SPSB4: variants seen among roughly 807,000 people sequenced by gnomAD.
The protein encoded by SPSB4 is splA/ryanodine receptor domain and SOCS box containing 4, also known as SPRY domain-containing SOCS box protein 4.
A neutral mutation model predicts 20.9 loss-of-function variants in SPSB4; 21 were observed. The ratio of observed to expected loss-of-function variants is 1.01; its 90% confidence interval spans 0.71 to 1.45. The LOEUF is 1.45. SPSB4 is among the 40% of genes most tolerant of loss of function. The probability of loss-of-function intolerance (pLI) is 0.00; values close to 1 mark genes in which losing one functional copy is unlikely to be tolerated. For missense variants in SPSB4, 399 were observed against 399.2 expected (o/e 1.00, Z 0.00); for synonymous variants, 207 against 183.8 (o/e 1.13, Z -1.02).
chr3:141,076,486 G>T (rs1219276282), intron 2 of SPSB4, among the ~76,000 whole-genome samples: 1 of 152,226 alleles, frequency 6.6e-6, no homozygotes, highest in Non-Finnish European at 1.5e-5. Context: ...GTCATTGATT[G>T]AGCACTCACA....
At chr3:141,134,385 G>A (rs947215893) in intron 2 of SPSB4, among the ~76,000 whole-genome samples, 5 of 152,048 alleles carry the variant, frequency 3.3e-5, no homozygotes, top group Non-Finnish European at 7.4e-5. Context: ...GGGCATCCTT[G>A]TCTCGTTCTA....
chr3:141,118,221 G>T (rs917587179), intron 2 of SPSB4, among the ~76,000 whole-genome samples: 5 of 152,198 alleles, frequency 3.3e-5, no homozygotes, highest in African/African-American at 4.8e-5. Flanking sequence ...TTGTGGTTTT[G>T]ATTTGCATTT....
chr3:141,146,706 G>A (rs940609640), intron 2 of SPSB4, among the ~76,000 whole-genome samples: 7 of 151,516 alleles, frequency 4.6e-5, no homozygotes, highest in African/African-American at 9.7e-5. Context: ...CCCAGGAGGC[G>A]GAGCTTGCAG....
intron 2 of SPSB4, among the ~76,000 whole-genome samples, chr3:141,117,719 G>A (rs1399422378): frequency 1.3e-5 from 2 of 152,162 alleles, no homozygotes; most frequent in African/African-American, 2.4e-5. Context: ...TGTTCTCATT[G>A]TTCAACTCCC....
At chr3:141,129,757 T>C (rs1939105725) in intron 2 of SPSB4, among the ~76,000 whole-genome samples, 2 of 152,244 alleles carry the variant, frequency 1.3e-5, no homozygotes, top group African/African-American at 4.8e-5. Context: ...CACTCCCTGT[T>C]CTGGGTTGTC....
chr3:141,092,400 C>CT (rs1232939690), intron 2 of SPSB4, among the ~76,000 whole-genome samples: 1 of 152,244 alleles, frequency 6.6e-6, no homozygotes, highest in Non-Finnish European at 1.5e-5. Context: ...CCTTCACTAA[C>CT]CATATCTACC....
rs375889447 is a variant in SPSB4, at chr3:141,101,672, C to T, written c.694+34874C>T. On this transcript the variant is annotated intron_variant, in intron 2 of 2. Coordinates refer to ENST00000310546, the MANE Select transcript of SPSB4 (RefSeq NM_080862.3). ...CAGTGGTGATCACCATCAGATGGCTCTTATTATTACCTGTGTAATATTCCC... is the reference window on the plus strand; with the variant it reads ...CAGTGGTGATCACCATCAGATGGCTTTTATTATTACCTGTGTAATATTCCC... Among the ~76,000 whole-genome samples, 14 of 152,212 alleles carry T rather than the reference C, an allele frequency of 9.2e-5. No homozygotes were observed. The East Asian group carries it at 1.2e-3, about 13-fold the overall frequency.
chr3:141,068,571 G>A (rs1475034893), intron 2 of SPSB4, among the ~76,000 whole-genome samples: 2 of 152,220 alleles, frequency 1.3e-5, no homozygotes, highest in Admixed American at 6.5e-5. Context: ...GTGGTTTTGT[G>A]TCTTTGGTGA....
intron 2 of SPSB4, among the ~76,000 whole-genome samples, chr3:141,090,318 A>G (rs1220231264): frequency 6.6e-6 from 1 of 152,230 alleles, no homozygotes; most frequent in Non-Finnish European, 1.5e-5. Flanking sequence ...GTCCTCATGA[A>G]GCTTATATTT....
At chr3:141,097,042 C>T (rs961329496) in intron 2 of SPSB4, among the ~76,000 whole-genome samples, 1 of 152,198 alleles carries the variant, frequency 6.6e-6, no homozygotes, top group African/African-American at 2.4e-5. Flanking sequence ...AAATTCATCA[C>T]CCTGAAATAC....
rs571063042 is a variant in SPSB4, at chr3:141,096,606, C to G, written c.694+29808C>G. 2.5e-3 allele frequency among the ~76,000 whole-genome samples: 377 copies of G among 152,298 alleles called. 1 individual carries two copies. The highest frequency in any genetic ancestry group is 8.8e-3 in the African/African-American group (366 of 41,558). ...CCATTTGGGTTTCTAATTCCATACTCTTTGTGCTGTCTCTCTTTTTCCAGC... is the reference window on the plus strand; with the variant it reads ...CCATTTGGGTTTCTAATTCCATACTGTTTGTGCTGTCTCTCTTTTTCCAGC... On this transcript the variant is annotated intron_variant, in intron 2 of 2. Transcript: ENST00000310546.
chr3:141,096,182 A>G (rs1263781157), intron 2 of SPSB4, among the ~76,000 whole-genome samples: 1 of 152,022 alleles, frequency 6.6e-6, no homozygotes, highest in Admixed American at 6.6e-5. Context: ...GTAGAAGAGG[A>G]GCCAAACCTA....
At chr3:141,095,291 C>T (rs1243634669) in intron 2 of SPSB4, among the ~76,000 whole-genome samples, 8 of 152,092 alleles carry the variant, frequency 5.3e-5, no homozygotes, top group Non-Finnish European at 1.0e-4. Context: ...TACTGCGAGG[C>T]GGAAAATTTG....
At chr3:141,126,819 T>C (rs1201397089) in intron 2 of SPSB4, among the ~76,000 whole-genome samples, 4 of 152,168 alleles carry the variant, frequency 2.6e-5, no homozygotes, top group Non-Finnish European at 5.9e-5. Context: ...CATGGATAGA[T>C]TAGTAGTGGA....
At chr3:141,074,325 ACGTAG>A (rs1190031125) in intron 2 of SPSB4, among the ~76,000 whole-genome samples, 4 of 152,352 alleles carry the variant, frequency 2.6e-5, no homozygotes, top group East Asian at 3.9e-4. Context: ...AGTGCCTAGA[ACGTAG>A]CTACTGAAAA....
chr3:141,126,607 G>A (rs1196647400), intron 2 of SPSB4, among the ~76,000 whole-genome samples: 3 of 152,172 alleles, frequency 2.0e-5, no homozygotes, highest in Admixed American at 6.5e-5. Context: ...CACAGACCCA[G>A]GGAGACCAAA....
At position 141,147,376 on chromosome 3, in the gene SPSB4, G is replaced by C; in HGVS notation, c.*107G>C. ...GGGGAAAGGATCTACCCTTCTCCTG[G>C]CTCCCCAGGACACTCAGTTCTTTCA... is the stretch of plus-strand genomic sequence containing the variant. On this transcript the variant is annotated 3_prime_UTR_variant, in exon 3 of 3. Transcript: ENST00000310546. 2 of 1,533,174 alleles carry C rather than the reference G, an allele frequency of 1.3e-6. No individual in the cohort carries two copies. The highest frequency in any genetic ancestry group is 1.4e-5 in the African/African-American group (1 of 73,454). 95.0% of individuals were successfully genotyped at this position (1,533,174 alleles called of 1,614,324 possible).
At chr3:141,143,146 T>A (rs1939364653) in intron 2 of SPSB4, among the ~76,000 whole-genome samples, 1 of 151,542 alleles carries the variant, frequency 6.6e-6, no homozygotes, top group Non-Finnish European at 1.5e-5. Context: ...TGTTGTTGCT[T>A]TAAAACCTGT....
chr3:141,054,261 G>C (rs73234855), intron 1 of SPSB4, among the ~76,000 whole-genome samples: 1 of 152,044 alleles, frequency 6.6e-6, no homozygotes, highest in African/African-American at 2.4e-5. Context: ...AGGAGTGAAG[G>C]GTCTTGGGCA....
Sources: gnomAD v4.1 joint callset for allele counts (sites outside exome capture counted in the v4.1 genomes callset) on GRCh38, gnomAD v4.1.1 for gene constraint, MANE v1.5 for transcripts, NCBI Gene and HGNC (gene_info 2026-07-23, HGNC 2026-07-21) for gene names.